ZNF407: variants seen among roughly 807,000 people sequenced by gnomAD.
ZNF407 encodes the protein zinc finger protein 407.
In ZNF407, 17 loss-of-function variants were observed where a neutral mutation model predicts 131.2. That is an observed-to-expected ratio of 0.13 (90% CI 0.09 to 0.19). The LOEUF is 0.19. Among genes scored for constraint, ZNF407 ranks in the 10% least tolerant of loss-of-function variants. ZNF407 has a pLI of 1.00. For synonymous variants in ZNF407, 1,156 were observed against 1,062.0 expected, an observed-to-expected ratio of 1.09 and a Z score of -1.72; for missense variants, 2,681 against 2,830.6, an observed-to-expected ratio of 0.95 and a Z score of 1.20.
At chr18:74,956,080 C>G (rs2145285438) in intron 8 of ZNF407, among the ~76,000 whole-genome samples, 1 of 152,304 alleles carries the variant, frequency 6.6e-6, no homozygotes, top group Middle Eastern at 3.4e-3. Flanking sequence ...AGTATCCACC[C>G]CTTTTACTTC....
At chr18:74,705,562 T>A (rs1967605734) in intron 3 of ZNF407, among the ~76,000 whole-genome samples, 2 of 152,250 alleles carry the variant, frequency 1.3e-5, no homozygotes, top group Non-Finnish European at 2.9e-5. Context: ...TAGATTAGAC[T>A]TTTTGAATAT....
At chr18:75,003,040 ATTCTGT>A in intron 8 of ZNF407, among the ~76,000 whole-genome samples, 1 of 152,314 alleles carries the variant, frequency 6.6e-6, no homozygotes, top group East Asian at 1.9e-4. Context: ...AGACCTCTAA[ATTCTGT>A]TTTGTTTATA....
At chr18:74,757,129 T>C (rs1968982620) in intron 3 of ZNF407, among the ~76,000 whole-genome samples, 1 of 152,044 alleles carries the variant, frequency 6.6e-6, no homozygotes, top group Non-Finnish European at 1.5e-5. Flanking sequence ...TGCTCACTTT[T>C]GGTTTTGTTT....
At chr18:74,986,281 A>G (rs1014196616) in intron 8 of ZNF407, among the ~76,000 whole-genome samples, 1 of 151,310 alleles carries the variant, frequency 6.6e-6, no homozygotes, top group Non-Finnish European at 1.5e-5. Context: ...GGAATAGTTA[A>G]CATACTTTAG....
chr18:74,763,331 T>G (rs1969144565), intron 3 of ZNF407, among the ~76,000 whole-genome samples: 1 of 151,580 alleles, frequency 6.6e-6, no homozygotes, highest in South Asian at 2.1e-4. Context: ...TTTCTTTTTG[T>G]ATGCTAGAGA....
intron 8 of ZNF407, among the ~76,000 whole-genome samples, chr18:75,047,440 T>G (rs1973448343): frequency 6.6e-6 from 1 of 152,204 alleles, no homozygotes; most frequent in Admixed American, 6.5e-5. Context: ...GGCCTCACGT[T>G]GAAGGTGACT....
At chr18:74,825,061 A>C (rs1054122311) in intron 4 of ZNF407, among the ~76,000 whole-genome samples, 1 of 152,200 alleles carries the variant, frequency 6.6e-6, no homozygotes, top group Non-Finnish European at 1.5e-5. Context: ...TTCCAAATAC[A>C]CAAATCAATA....
intron 8 of ZNF407, among the ~76,000 whole-genome samples, chr18:74,923,887 T>C (rs1438096656): frequency 5.9e-5 from 9 of 152,164 alleles, no homozygotes; most frequent in Non-Finnish European, 8.8e-5. Flanking sequence ...TATTTAGTCT[T>C]TTACTTTAGT....
intron 3 of ZNF407, among the ~76,000 whole-genome samples, chr18:74,753,822 T>G (rs1968863871): frequency 6.6e-6 from 1 of 152,182 alleles, no homozygotes. Context: ...TCTCTTTTTT[T>G]TTGTTGTGTC....
At chr18:74,863,925 G>C (rs923782941) in intron 4 of ZNF407, among the ~76,000 whole-genome samples, 1 of 151,984 alleles carries the variant, frequency 6.6e-6, no homozygotes, top group Non-Finnish European at 1.5e-5. Flanking sequence ...TTATTGTAAT[G>C]TTATTTTCTT....
intron 7 of ZNF407, among the ~76,000 whole-genome samples, chr18:74,892,792 G>A (rs1398732150): frequency 6.6e-6 from 1 of 152,074 alleles, no homozygotes; most frequent in Non-Finnish European, 1.5e-5. Flanking sequence ...TTACATTGAT[G>A]CACAATAATG....
chr18:74,834,115 A>C (rs1001847552), intron 4 of ZNF407, among the ~76,000 whole-genome samples: 5 of 152,176 alleles, frequency 3.3e-5, no homozygotes, highest in Non-Finnish European at 7.4e-5. Flanking sequence ...CTTTTCTCTC[A>C]TTTGTTCAGT....
intron 4 of ZNF407, among the ~76,000 whole-genome samples, chr18:74,820,475 G>T (rs372939381): frequency 4.6e-5 from 7 of 152,364 alleles, no homozygotes; most frequent in Admixed American, 1.3e-4. Context: ...CTGCAAACTG[G>T]TTCAGGGACA....
At chr18:74,821,283 A>G (rs117765258) in intron 4 of ZNF407, among the ~76,000 whole-genome samples, 3,153 of 152,042 alleles carry the variant, frequency 0.021, 171 homozygotes, top group East Asian at 0.18. Flanking sequence ...TATTATTTTT[A>G]TTATATTTTA....
chr18:74,627,796 TTCTC>T (rs1208077986), intron 1 of ZNF407, among the ~76,000 whole-genome samples: 3 of 108,478 alleles, frequency 2.8e-5, no homozygotes, highest in South Asian at 3.0e-4. Context: ...CTCTCTCTCT[TTCTC>T]TCTTTCTCTC....
chr18:74,797,160 C>A (rs1340045850), intron 4 of ZNF407, among the ~76,000 whole-genome samples: 2 of 151,960 alleles, frequency 1.3e-5, no homozygotes, highest in Non-Finnish European at 2.9e-5. Flanking sequence ...ATTTTTAGAA[C>A]GTTGGATCTG....
intron 2 of ZNF407, among the ~76,000 whole-genome samples, chr18:74,639,007 A>T (rs1281951303): frequency 6.6e-6 from 1 of 152,156 alleles, no homozygotes; most frequent in Non-Finnish European, 1.5e-5. Flanking sequence ...TCTACTCTGA[A>T]TATAAGATGT....
intron 4 of ZNF407, among the ~76,000 whole-genome samples, chr18:74,785,764 GTCAC>G (rs1317510230): frequency 2.7e-5 from 4 of 145,506 alleles, no homozygotes; most frequent in African/African-American, 1.1e-4. Context: ...GCATGCAGAT[GTCAC>G]TCACATGGCA....
At chr18:75,029,161 A>T (rs894570749) in intron 8 of ZNF407, among the ~76,000 whole-genome samples, 5 of 152,138 alleles carry the variant, frequency 3.3e-5, no homozygotes, top group African/African-American at 1.2e-4. Flanking sequence ...TATGCTTTCC[A>T]TGTTCTGCTT....
Sources: allele counts gnomAD v4.1 joint callset (sites outside exome capture counted in the v4.1 genomes callset), GRCh38; gene constraint gnomAD v4.1.1; transcripts MANE v1.5; gene names NCBI Gene and HGNC (gene_info 2026-07-23, HGNC 2026-07-21).